ANKRD46: variants seen among roughly 807,000 people sequenced by gnomAD.
ANKRD46 encodes the protein ankyrin repeat domain 46, also known as ankyrin repeat domain-containing protein 46.
A neutral mutation model predicts 19.8 loss-of-function variants in ANKRD46; 13 were observed. The observed-to-expected ratio is 0.66, with a 90% CI of 0.43 to 1.04. The LOEUF (loss-of-function observed/expected upper bound fraction) is 1.04. ANKRD46 is among the 50% of genes least tolerant of loss of function. The pLI is 0.00. For synonymous variants in ANKRD46, 91 were observed against 106.9 expected, an observed-to-expected ratio of 0.85 and a Z score of 0.92; for missense variants, 185 against 274.8, an observed-to-expected ratio of 0.67 and a Z score of 2.31.
rs1811977151 is a variant in ANKRD46 at position 100,532,184 on chromosome 8, G to A, written c.-28+1025C>T. Among the ~76,000 whole-genome samples, 1 of 152,126 alleles carries A rather than the reference G, an allele frequency of 6.6e-6. No individual in the cohort carries two copies. The highest frequency in any genetic ancestry group is 1.5e-5 in the Non-Finnish European group (1 of 68,026). On this transcript the variant is annotated intron_variant, in intron 2 of 4. Transcript: ENST00000335659. The surrounding 1 kb of genome is among the most constrained non-coding windows in gnomAD (Gnocchi z 4.7). ...ACATATGATGACTTTTTAAAAATCTGGCTGGACACAGTGGCTCACACCTGT... is the reference window on the plus strand; with the variant it reads ...ACATATGATGACTTTTTAAAAATCTAGCTGGACACAGTGGCTCACACCTGT...
rs150397767 is a variant in ANKRD46, at chr8:100,527,880, C to T, written c.435G>A (p.Ser145=). The change falls in exon 4 of 5, where the codon TCG becomes TCA. Residue 145 remains serine, a synonymous_variant. Coordinates refer to ENST00000335659, the MANE Select transcript of ANKRD46 (RefSeq NM_001270377.2). The surrounding 1 kb of genome is among the most constrained non-coding windows in gnomAD (Gnocchi z 4.0). ...EVKGFNRGTH[S]KLETMQTAES... is the part of the protein sequence containing the mutation. ...CAGCTGTTTGCATGGTCTCCAGTTT[C>T]GAGTGGGTTCCTCTGTTAAATCCTT... 167 of 1,613,672 alleles carry T rather than the reference C, an allele frequency of 1.0e-4. No individual in the cohort carries two copies. In the African/African-American group the frequency reaches 1.8e-3, roughly 17 times the overall value.
chr8:100,531,998 A>G (rs1440077751), intron 2 of ANKRD46, among the ~76,000 whole-genome samples: 1 of 152,234 alleles, frequency 6.6e-6, no homozygotes. Context: ...AAGGGGACGC[A>G]CTGGAGAGGA....
intron 1 of ANKRD46, among the ~76,000 whole-genome samples, chr8:100,535,927 C>T (rs1489526009): frequency 6.6e-6 from 1 of 151,842 alleles, no homozygotes; most frequent in Non-Finnish European, 1.5e-5. Context: ...ACTAGTGAGT[C>T]GTATGAAGAC....
chr8:100,521,186 G>C lies in ANKRD46; in HGVS notation c.*1369C>G. 2 of 984,852 alleles carry C rather than the reference G, an allele frequency of 2.0e-6. No individual in the cohort carries two copies. The highest frequency in any genetic ancestry group is 9.4e-5 in the South Asian group (2 of 21,258). 61.0% of individuals were successfully genotyped at this position (984,852 alleles called of 1,614,324 possible). On this transcript the variant is annotated 3_prime_UTR_variant, in exon 5 of 5. Transcript: ENST00000335659. ...CTCAATACTAGATACATAGATACAA[G>C]AGAAAATACCAAGAAGCAAAAAGAA... is the stretch of plus-strand genomic sequence containing the variant.
rs769205440 is a variant in ANKRD46, at chr8:100,522,696, C to T, written c.546G>A (p.Thr182=). The T allele has an allele frequency of 8.5e-5, 137 of 1,614,002 alleles. No homozygotes were observed. Among genetic ancestry groups the T allele is most frequent in the Non-Finnish European group, 3.1e-5 (36 of 1,180,048 alleles). Residue 182 remains threonine, a synonymous_variant, in exon 5 of 5, where the codon ACG becomes ACA. Transcript: ENST00000335659. ...GEGVLSSFRT[T]WQEFVEDLGF... ...CCAGATCCTCCACAAACTCCTGCCA[C>T]GTGGTTCGGAAGCTGGAGAGGACTC...
chr8:100,523,097 G>A (rs1811766807), intron 4 of ANKRD46, among the ~76,000 whole-genome samples: 1 of 151,998 alleles, frequency 6.6e-6, no homozygotes, highest in African/African-American at 2.4e-5. Flanking sequence ...GCAGGCCAAG[G>A]AGGGAGGATC....
intron 4 of ANKRD46, 131 bp from the exon 5 acceptor site, chr8:100,522,902 C>CATAT: frequency 3.7e-6 from 1 of 268,544 alleles, no homozygotes; most frequent in Non-Finnish European, 7.1e-6. Flanking sequence ...CACACACACA[C>CATAT]ACATATATAT....
intron 4 of ANKRD46, among the ~76,000 whole-genome samples, chr8:100,526,293 C>T (rs933591684): frequency 6.6e-6 from 1 of 151,946 alleles, no homozygotes; most frequent in Non-Finnish European, 1.5e-5. Context: ...TAAAAGGGTG[C>T]CAAGAAACTG....
At chr8:100,523,411 C>T (rs1811773768) in intron 4 of ANKRD46, among the ~76,000 whole-genome samples, 1 of 151,138 alleles carries the variant, frequency 6.6e-6, no homozygotes, top group Admixed American at 6.6e-5. Flanking sequence ...TGATCTCAGA[C>T]TTCTAGGCCC....
At position 100,510,707 on chromosome 8, in the gene ANKRD46, GC is replaced by G; in HGVS notation, c.637-69del. ...CAGTTCTGTTAAGCTGCAGAGATGT[GC>G]CAGGACCAGATACAATCATAAATAT... On this transcript the variant is annotated intron_variant, in intron 5 of 5. Transcript: ENST00000520552. The surrounding 1 kb of genome is among the most constrained non-coding windows in gnomAD (Gnocchi z 4.9). 7.4e-7 allele frequency: 1 copy of G among 1,351,298 alleles called. No individual in the cohort carries two copies. The highest frequency in any genetic ancestry group is 1.0e-6 in the Non-Finnish European group (1 of 993,218). 83.7% of individuals were successfully genotyped at this position (1,351,298 alleles called of 1,614,324 possible). A position where few individuals can be genotyped will look rare whatever the true frequency, so the allele number is the denominator to read the frequency against.
chr8:100,548,096 C>A lies in ANKRD46; in HGVS notation c.-131+11615G>T, dbSNP rs537761303. On this transcript the variant is annotated intron_variant, in intron 1 of 4. Coordinates refer to ENST00000335659, the MANE Select transcript of ANKRD46 (RefSeq NM_001270377.2). The stretch of plus-strand genomic sequence containing the variant: ...ATTTCCACTTCTGCCTCTCTACAAT[C>A]CGTTCTCAATACAGAAAAAAAAAAA... Among the ~76,000 whole-genome samples the A allele has an allele frequency of 2.2e-4, 33 of 149,222 alleles. No homozygotes were observed. The South Asian group carries it at 7.1e-3, about 32-fold the overall frequency.
intron 1 of ANKRD46, chr8:100,551,098 G>A: frequency 2.0e-6 from 1 of 504,596 alleles, no homozygotes; most frequent in Non-Finnish European, 3.9e-6. Flanking sequence ...AGTAGATGCA[G>A]GGATGATGTT....
intron 1 of ANKRD46, among the ~76,000 whole-genome samples, chr8:100,552,425 A>G (rs1812412819): frequency 6.6e-6 from 1 of 151,752 alleles, no homozygotes; most frequent in Non-Finnish European, 1.5e-5. Context: ...CCCAAACATG[A>G]ATTTAATATA....
intron 1 of ANKRD46, chr8:100,551,620 G>T: frequency 1.4e-6 from 1 of 730,172 alleles, no homozygotes; most frequent in Non-Finnish European, 2.4e-6. Context: ...CATTGATGGT[G>T]ACAATATCCA....
At position 100,550,640 on chromosome 8, in the gene ANKRD46, G is replaced by T. The variant is rs759489824; in HGVS notation, c.-131+9071C>A. 8.4e-6 allele frequency: 2 copies of T among 238,530 alleles called. No homozygotes were observed. Among genetic ancestry groups the T allele is most frequent in the East Asian group, 2.7e-4 (2 of 7,428 alleles). The allele number at this position is 238,530 out of a possible 1,614,324, so 14.8% of individuals were successfully genotyped here. On this transcript the variant is annotated intron_variant, in intron 1 of 4. Transcript: ENST00000335659. The surrounding 1 kb of genome is among the most constrained non-coding windows in gnomAD (Gnocchi z 4.4). ...AGGGGAGATTCCCAGTGTGGTGGGG[G>T]ACTGAGCATGGCAGGGACTGCCCAG...
Position 100,557,478 on chromosome 8 carries a change from C to T in ANKRD46, c.-131+2233G>A, listed in dbSNP as rs1812525018. ...TGCATCAACCTAACAGGTCTCCCTGCTTCCATCCTTGCCCTTACAGTCAAC... is the reference window on the plus strand; with the variant it reads ...TGCATCAACCTAACAGGTCTCCCTGTTTCCATCCTTGCCCTTACAGTCAAC... On this transcript the variant is annotated intron_variant, in intron 1 of 4. Transcript: ENST00000335659. This position sits in a 1 kb window ranked among gnomAD's most constrained non-coding sequence, Gnocchi z 5.9. 6.6e-6 allele frequency among the ~76,000 whole-genome samples: 1 copy of T among 152,102 alleles called. No homozygotes were observed. Among genetic ancestry groups the T allele is most frequent in the African/African-American group, 2.4e-5 (1 of 41,462 alleles).
Position 100,544,320 on chromosome 8 carries a change from G to C in ANKRD46, c.-130-11009C>G, listed in dbSNP as rs1268505284. Among the ~76,000 whole-genome samples the C allele has an allele frequency of 1.3e-5, 2 of 152,140 alleles. No homozygotes were observed. Among genetic ancestry groups the C allele is most frequent in the Non-Finnish European group, 2.9e-5 (2 of 68,018 alleles). On this transcript the variant is annotated intron_variant, in intron 1 of 4. Coordinates refer to ENST00000335659, the MANE Select transcript of ANKRD46 (RefSeq NM_001270377.2). The surrounding 1 kb of genome is among the most constrained non-coding windows in gnomAD (Gnocchi z 4.4). ...CCGGACATAAAGAAGCAAGGACAAA[G>C]AACATAAGCCTAAAGTTGGGGAGGG...
rs943226736 is a variant in ANKRD46 at position 100,537,313 on chromosome 8, T to C, written c.-130-4002A>G. Among the ~76,000 whole-genome samples, 1 of 152,194 alleles carries C rather than the reference T, an allele frequency of 6.6e-6. No homozygotes were observed. Among genetic ancestry groups the C allele is most frequent in the African/African-American group, 2.4e-5 (1 of 41,448 alleles). Reference sequence around the variant, plus strand: ...TGCTTCAAATGGACTGACTACATTATGCCTACACAAGCAATTTTGGTCAGA... The same window carrying C: ...TGCTTCAAATGGACTGACTACATTACGCCTACACAAGCAATTTTGGTCAGA... On this transcript the variant is annotated intron_variant, in intron 1 of 4. Coordinates refer to ENST00000335659, the MANE Select transcript of ANKRD46 (RefSeq NM_001270377.2). This position sits in a 1 kb window ranked among gnomAD's most constrained non-coding sequence, Gnocchi z 4.2.
downstream of ANKRD46, among the ~76,000 whole-genome samples, chr8:100,518,312 G>T (rs1005229939): frequency 6.6e-6 from 1 of 152,178 alleles, no homozygotes; most frequent in Non-Finnish European, 1.5e-5. Flanking sequence ...TAAAGGGAAA[G>T]AAATTTATAA....
Sources: gnomAD v4.1 joint callset for allele counts (sites outside exome capture counted in the v4.1 genomes callset) on GRCh38, gnomAD v4.1.1 for gene constraint, Gnocchi (gnomAD v3.1) non-coding constraint, MANE v1.5 for transcripts, NCBI Gene and HGNC (gene_info 2026-07-23, HGNC 2026-07-21) for gene names.